CACNA1H: variants seen among roughly 807,000 people sequenced by gnomAD.
The protein encoded by CACNA1H is calcium voltage-gated channel subunit alpha1 H, also known as voltage-dependent T-type calcium channel subunit alpha-1H.
Under a neutral mutation model 192.5 loss-of-function variants are expected in CACNA1H, and 149 were observed. That is an observed-to-expected ratio of 0.77 (90% CI 0.68 to 0.89). The LOEUF (loss-of-function observed/expected upper bound fraction) is 0.89, where lower values mean the gene tolerates loss of function less well. Ranked by LOEUF, CACNA1H falls within the 40% of genes least tolerant of loss-of-function variation. The pLI is 0.00. For missense variants in CACNA1H, 4,257 were observed against 3,423.5 expected, an observed-to-expected ratio of 1.24 and a Z score of -6.08; for synonymous variants, 2,202 against 1,475.2, an observed-to-expected ratio of 1.49 and a Z score of -11.29.
intron 22 of CACNA1H, 40 bp from the exon 23 acceptor site, chr16:1,211,441 A>G (rs1409095537): frequency 1.1e-5 from 17 of 1,611,500 alleles, no homozygotes; most frequent in South Asian, 3.3e-5. Context: ...GGGGTGGGGC[A>G]CAGGCCAGGC....
chr16:1,197,081 G>C (rs1428389129), intron 5 of CACNA1H, among the ~76,000 whole-genome samples: 1 of 152,178 alleles, frequency 6.6e-6, no homozygotes, highest in African/African-American at 2.4e-5. Context: ...TGGGGCCTCT[G>C]GCTTCCCGAA....
Position 1,180,841 on chromosome 16 carries a change from C to G in CACNA1H, c.300-14131C>G, listed in dbSNP as rs954353663. On this transcript the variant is annotated intron_variant, in intron 2 of 34. Coordinates refer to ENST00000348261, the MANE Select transcript of CACNA1H (RefSeq NM_021098.3). The surrounding 1 kb of genome is among the most constrained non-coding windows in gnomAD (Gnocchi z 4.4). ...GTCCACAGCCACCCCGCCCTGGACTCCCCGGGCCAGCACCCGACCTGGCCG... is the reference window on the plus strand; with the variant it reads ...GTCCACAGCCACCCCGCCCTGGACTGCCCGGGCCAGCACCCGACCTGGCCG... Among the ~76,000 whole-genome samples, 2 of 152,176 alleles carry G rather than the reference C, an allele frequency of 1.3e-5. No homozygotes were observed. The highest frequency in any genetic ancestry group is 2.9e-5 in the Non-Finnish European group (2 of 68,000).
At chr16:1,205,645 C>G (rs528925312) in intron 11 of CACNA1H, among the ~76,000 whole-genome samples, 5 of 152,192 alleles carry the variant, frequency 3.3e-5, no homozygotes, top group Admixed American at 2.6e-4. Context: ...GCATTTGCTA[C>G]AAGAAAATTA....
chr16:1,196,601 T>C (rs2141207048), intron 5 of CACNA1H, among the ~76,000 whole-genome samples: 1 of 152,250 alleles, frequency 6.6e-6, no homozygotes, highest in South Asian at 2.1e-4. Context: ...GGCCTCCGTG[T>C]CCCCTGCTGA....
In CACNA1H at chr16:1,195,474, G is replaced by T. The variant is rs1966873640; in HGVS notation, c.454G>T (p.Val152Phe). The change falls in exon 4 of 35, where the codon GTC becomes TTC. Residue 152 changes from valine (V) to phenylalanine (F), a missense_variant. Transcript: ENST00000348261. Reference protein sequence around the residue: ...FIFAFFAVEMVIKMVALGLFG... With the variant: ...FIFAFFAVEMFIKMVALGLFG... Reference sequence around the variant, plus strand: ...TTTCGCCTTTTTTGCGGTGGAGATGGTCATCAAGATGGTGGCCTTGGGGCT... The same window carrying T: ...TTTCGCCTTTTTTGCGGTGGAGATGTTCATCAAGATGGTGGCCTTGGGGCT... 15 of 1,580,808 alleles carry T rather than the reference G, an allele frequency of 9.5e-6. No individual in the cohort carries two copies. The highest frequency in any genetic ancestry group is 1.3e-5 in the Non-Finnish European group (15 of 1,163,176).
rs748980218 is a variant in CACNA1H, at chr16:1,220,372, C to A, written c.6440C>A (p.Pro2147Gln). 1 of 1,522,362 alleles carries A rather than the reference C, an allele frequency of 6.6e-7. No individual in the cohort carries two copies. The allele number at this position is 1,522,362 out of a possible 1,614,324, so 94.3% of individuals were successfully genotyped here. Residue 2147 changes from proline (P) to glutamine (Q), a missense_variant, in exon 35 of 35, where the codon CCG becomes CAG. Coordinates refer to ENST00000348261, the MANE Select transcript of CACNA1H (RefSeq NM_021098.3). ...SVDAQGFLDKPGRADEQWRPS... is the reference protein window; with the variant it reads ...SVDAQGFLDKQGRADEQWRPS... ...GATGCTCAGGGCTTCCTGGACAAGCCGGGCCGGGCAGACGAGCAGTGGCGG... is the reference window on the plus strand; with the variant it reads ...GATGCTCAGGGCTTCCTGGACAAGCAGGGCCGGGCAGACGAGCAGTGGCGG...
intron 2 of CACNA1H, among the ~76,000 whole-genome samples, chr16:1,166,921 C>G (rs1963847635): frequency 6.6e-6 from 1 of 152,230 alleles, no homozygotes; most frequent in East Asian, 1.9e-4. Flanking sequence ...GGCTTCGTGT[C>G]TCTTGGACGT....
intron 2 of CACNA1H, among the ~76,000 whole-genome samples, chr16:1,177,181 C>T (rs1262256151): frequency 2.0e-5 from 3 of 152,200 alleles, no homozygotes; most frequent in Non-Finnish European, 4.4e-5. Context: ...GACTCTCGGA[C>T]CCTTGGATTT....
chr16:1,177,352 G>A (rs190995094), intron 2 of CACNA1H, among the ~76,000 whole-genome samples: 1 of 152,318 alleles, frequency 6.6e-6, no homozygotes, highest in East Asian at 1.9e-4. Flanking sequence ...CTCGGAGACA[G>A]CCTGAAGTTC....
In CACNA1H at chr16:1,201,570, G is replaced by A. The variant is rs1327261084; in HGVS notation, c.1213-93G>A. On this transcript the variant is annotated intron_variant, in intron 8 of 34. Transcript: ENST00000348261. ...CCTCGCCCACTGTGCCTGTGACGCG[G>A]CCCCCACTCGAACAGGCAGCGCACA... is the stretch of plus-strand genomic sequence containing the variant. The A allele has an allele frequency of 1.1e-5, 15 of 1,418,186 alleles. 1 individual carries two copies. The South Asian group carries it at 1.8e-4, about 17-fold the overall frequency. The allele number at this position is 1,418,186 out of a possible 1,614,324, so 87.9% of individuals were successfully genotyped here. A position where few individuals can be genotyped will look rare whatever the true frequency, so the allele number is the denominator to read the frequency against.
At chr16:1,199,844 C>T (rs1460646463) in intron 6 of CACNA1H, among the ~76,000 whole-genome samples, 4 of 152,108 alleles carry the variant, frequency 2.6e-5, no homozygotes, top group African/African-American at 7.2e-5. Context: ...TCCCCTCGTC[C>T]CTTGCCCTTT....
chr16:1,215,037 A>C lies in CACNA1H; in HGVS notation c.4995A>C (p.Ala1665=). Residue 1665 remains alanine (A), a synonymous_variant, in exon 28 of 35, where the codon GCA becomes GCC. Coordinates refer to ENST00000348261, the MANE Select transcript of CACNA1H (RefSeq NM_021098.3). ...CCATCGTGTTTGTCTTCGAGGCTGC[A>C]CTGAAGCTGGTAGCATTTGGGTTCC... ...VFTIVFVFEA[A]LKLVAFGFRR... 1 of 1,613,132 alleles carries C rather than the reference A, an allele frequency of 6.2e-7. No homozygotes were observed. Among genetic ancestry groups the C allele is most frequent in the Non-Finnish European group, 8.5e-7 (1 of 1,179,584 alleles).
At chr16:1,157,054 G>A (rs1962514666) in intron 2 of CACNA1H, 1 of 152,184 alleles carries the variant, frequency 6.6e-6, no homozygotes, top group African/African-American at 2.4e-5. Flanking sequence ...GCCCGGCTGG[G>A]TTATGTGCTG....
rs1361921795 is a variant in CACNA1H at position 1,207,128 on chromosome 16, GGGGTCCCCGCAGCAGTGTT to G, written c.2907+15_2907+33del. 1 of 1,574,536 alleles carries G rather than the reference GGGGTCCCCGCAGCAGTGTT, an allele frequency of 6.4e-7. No homozygotes were observed. The highest frequency in any genetic ancestry group is 2.3e-5 in the East Asian group (1 of 42,788). On this transcript the variant is annotated intron_variant, in intron 13 of 34. Coordinates refer to ENST00000348261, the MANE Select transcript of CACNA1H (RefSeq NM_021098.3). ...CGTCACCGTGTTCCAGGTAGTGCCC[GGGGTCCCCGCAGCAGTGTT>G]GGGTGCTGAGTGTGGTCCCCAGAGA...
intron 2 of CACNA1H, among the ~76,000 whole-genome samples, chr16:1,187,583 G>A (rs1966199698): frequency 6.6e-6 from 1 of 152,222 alleles, no homozygotes; most frequent in South Asian, 2.1e-4. Context: ...GGCAGGAACG[G>A]CCCAGCCTCC....
Position 1,210,494 on chromosome 16 carries a change from G to GT in CACNA1H, c.3969+2dup, listed in dbSNP as rs1277984772. 1.2e-6 allele frequency: 2 copies of GT among 1,611,504 alleles called. No individual in the cohort carries two copies. Among genetic ancestry groups the GT allele is most frequent in the Non-Finnish European group, 1.7e-6 (2 of 1,179,702 alleles). ...GCCTGACATTGATCCCGGCAGCACCGTGAGTCAGCCAACCCCATCGTCCCG... is the reference window on the plus strand; with the variant it reads ...GCCTGACATTGATCCCGGCAGCACCGTTGAGTCAGCCAACCCCATCGTCCCG... On this transcript the variant is annotated splice_donor_variant, in intron 19 of 34. Transcript: ENST00000348261. LOFTEE classifies it high-confidence loss of function.
chr16:1,217,795 G>T, intron 31 of CACNA1H, 124 bp from the exon 32 acceptor site: 1 of 1,309,678 alleles, frequency 7.6e-7, no homozygotes, highest in Non-Finnish European at 1.0e-6. Flanking sequence ...CCAGGGCCTC[G>T]TCATCCACAT....
chr16:1,166,601 C>G (rs554627446), intron 2 of CACNA1H, among the ~76,000 whole-genome samples: 32 of 152,296 alleles, frequency 2.1e-4, no homozygotes, highest in Non-Finnish European at 2.5e-4. Flanking sequence ...CGAGAGGAAA[C>G]CCTGCAGTCA....
At chr16:1,195,850 C>A in intron 4 of CACNA1H, 76 bp from the exon 5 acceptor site, 1 of 1,172,916 alleles carries the variant, frequency 8.5e-7, no homozygotes, top group Non-Finnish European at 1.3e-6. Context: ...GCCTGCCCAC[C>A]CTACTTTGCA....
Sources: gnomAD v4.1 joint callset for allele counts (sites outside exome capture counted in the v4.1 genomes callset) on GRCh38, gnomAD v4.1.1 for gene constraint, Gnocchi (gnomAD v3.1) non-coding constraint, MANE v1.5 for transcripts, NCBI Gene and HGNC (gene_info 2026-07-23, HGNC 2026-07-21) for gene names.